CEP128: variants seen among roughly 807,000 people sequenced by gnomAD.
The protein encoded by CEP128 is centrosomal protein 128.
In CEP128, 132 loss-of-function variants were observed where a neutral mutation model predicts 156.7. The ratio of observed to expected loss-of-function variants is 0.84; its 90% CI spans 0.73 to 0.97. CEP128 has a LOEUF of 0.97. Among genes scored for constraint, CEP128 ranks in the 50% least tolerant of loss-of-function variants. The probability of loss-of-function intolerance (pLI) is 0.00; values close to 1 mark genes in which losing one functional copy is unlikely to be tolerated. For synonymous variants in CEP128, 469 were observed against 448.9 expected (o/e 1.04, Z -0.57); for missense variants, 1,252 against 1,281.9 (o/e 0.98, Z 0.36).
intron 23 of CEP128, among the ~76,000 whole-genome samples, chr14:80,524,568 A>C (rs2140257409): frequency 6.6e-6 from 1 of 152,284 alleles, no homozygotes; most frequent in South Asian, 2.1e-4. Flanking sequence ...CTTTTGTAAA[A>C]AACTTATTTT....
Position 80,626,216 on chromosome 14 carries a change from G to A in CEP128, c.2807-45793C>T, listed in dbSNP as rs548671296. ...GCGGTGGCTCACGCCTGTAATCCCA[G>A]CACTTTGGGAGGCCGAGGCGGGTGG... On this transcript the variant is annotated intron_variant, in intron 19 of 24. Transcript: ENST00000555265. Among the ~76,000 whole-genome samples the A allele has an allele frequency of 4.6e-5, 7 of 152,072 alleles. No homozygotes were observed. The East Asian group carries it at 1.2e-3, about 25-fold the overall frequency.
chr14:80,541,924 A>G (rs1889781267), intron 21 of CEP128, among the ~76,000 whole-genome samples: 1 of 152,194 alleles, frequency 6.6e-6, no homozygotes, highest in African/African-American at 2.4e-5. Context: ...CTATCTGTCT[A>G]TAGAAAAGTT....
At chr14:80,713,271 G>A (rs1897479570) in intron 19 of CEP128, among the ~76,000 whole-genome samples, 1 of 152,108 alleles carries the variant, frequency 6.6e-6, no homozygotes, top group African/African-American at 2.4e-5. Flanking sequence ...TTTCCGCGGT[G>A]ATCTTTTCTC....
At chr14:80,902,456 C>T (rs1385636716) in intron 6 of CEP128, among the ~76,000 whole-genome samples, 1 of 152,100 alleles carries the variant, frequency 6.6e-6, no homozygotes, top group Non-Finnish European at 1.5e-5. Context: ...TGTGTTGTCT[C>T]GTTATGCAGT....
intron 19 of CEP128, among the ~76,000 whole-genome samples, chr14:80,723,195 C>T (rs1897892432): frequency 6.6e-6 from 1 of 152,002 alleles, no homozygotes; most frequent in African/African-American, 2.4e-5. Flanking sequence ...AAGACAGTCC[C>T]CATGTAATAT....
chr14:80,737,265 G>A (rs148003602), intron 19 of CEP128, among the ~76,000 whole-genome samples: 35 of 152,004 alleles, frequency 2.3e-4, no homozygotes, highest in African/African-American at 5.3e-4. Flanking sequence ...TTAGCCAGGC[G>A]TGGTGGCACA....
chr14:80,615,460 C>G (rs754577859), intron 19 of CEP128, among the ~76,000 whole-genome samples: 1 of 152,072 alleles, frequency 6.6e-6, no homozygotes, highest in Non-Finnish European at 1.5e-5. Context: ...AGTGAACATG[C>G]GAAAAGGATT....
intron 19 of CEP128, among the ~76,000 whole-genome samples, chr14:80,652,162 C>T (rs1375280756): frequency 1.4e-5 from 2 of 146,516 alleles, no homozygotes; most frequent in Non-Finnish European, 3.0e-5. Context: ...GAAACTGGAC[C>T]CCTTCCTTAC....
chr14:80,695,196 T>C (rs1458925769), intron 19 of CEP128, among the ~76,000 whole-genome samples: 2 of 142,504 alleles, frequency 1.4e-5, no homozygotes, highest in Non-Finnish European at 1.5e-5. Flanking sequence ...ACGAAAGAAA[T>C]AGAAAAGAAA....
intron 13 of CEP128, among the ~76,000 whole-genome samples, chr14:80,824,827 T>C (rs1227514302): frequency 1.3e-5 from 2 of 152,220 alleles, no homozygotes; most frequent in African/African-American, 2.4e-5. Context: ...AGTTCCAAAG[T>C]TGCCTCAACA....
At chr14:80,598,311 A>G (rs1892430149) in intron 19 of CEP128, among the ~76,000 whole-genome samples, 1 of 152,144 alleles carries the variant, frequency 6.6e-6, no homozygotes. Flanking sequence ...ATATTTCTAT[A>G]CATTAGGAGT....
At chr14:80,918,681 C>T (rs181377838) in intron 2 of CEP128, among the ~76,000 whole-genome samples, 1 of 152,136 alleles carries the variant, frequency 6.6e-6, no homozygotes, top group African/African-American at 2.4e-5. Context: ...ACAAAAAGTG[C>T]TAAAGAGAGC....
intron 12 of CEP128, 35 bp from the exon 13 acceptor site, chr14:80,831,329 C>G (rs891800427): frequency 6.2e-7 from 1 of 1,606,044 alleles, no homozygotes; most frequent in South Asian, 1.1e-5. Context: ...AAGGGTTGTT[C>G]TTTATTCACA....
chr14:80,829,607 G>A (rs1184393435), intron 13 of CEP128, among the ~76,000 whole-genome samples: 1 of 152,172 alleles, frequency 6.6e-6, no homozygotes, highest in African/African-American at 2.4e-5. Context: ...TGAGAAACAA[G>A]GAATCGGCTG....
rs544963894 is a variant in CEP128 at position 80,876,393 on chromosome 14, C to G, written c.646-13520G>C. Reference sequence around the variant, plus strand: ...AGGGTGGATCACAAGGTCAGGAGATCGAGACCATCCTGGCTAACATGATGA... The same window carrying G: ...AGGGTGGATCACAAGGTCAGGAGATGGAGACCATCCTGGCTAACATGATGA... On this transcript the variant is annotated intron_variant, in intron 8 of 24. Coordinates refer to ENST00000555265, the MANE Select transcript of CEP128 (RefSeq NM_152446.5). 9.0e-4 allele frequency among the ~76,000 whole-genome samples: 136 copies of G among 151,952 alleles called. 2 individuals are homozygous for G. In the Middle Eastern group the frequency reaches 0.01, roughly 11 times the overall value.
intron 19 of CEP128, among the ~76,000 whole-genome samples, chr14:80,678,064 G>GTATATATA (rs1274703937): frequency 1.1e-4 from 3 of 27,440 alleles, no homozygotes; most frequent in African/African-American, 1.9e-4. Context: ...ATATATATAT[G>GTATATATA]TATATATATA....
intron 21 of CEP128, among the ~76,000 whole-genome samples, chr14:80,545,781 G>C (rs1289588754): frequency 6.6e-6 from 1 of 152,148 alleles, no homozygotes; most frequent in African/African-American, 2.4e-5. Flanking sequence ...GGAAAGCAGA[G>C]TAACACCAGG....
intron 21 of CEP128, among the ~76,000 whole-genome samples, chr14:80,544,651 A>G (rs1046565027): frequency 1.4e-4 from 22 of 152,228 alleles, no homozygotes; most frequent in African/African-American, 5.1e-4. Flanking sequence ...TAATTTAAAA[A>G]ATGAAGTATT....
At chr14:80,788,289 T>TTC (rs1901522069) in intron 14 of CEP128, among the ~76,000 whole-genome samples, 1 of 2,314 alleles carries the variant, frequency 4.3e-4, no homozygotes, top group African/African-American at 1.4e-3. Flanking sequence ...GGCCAGGATC[T>TTC]TTTTTTTTTT....
Sources: allele counts gnomAD v4.1 joint callset (sites outside exome capture counted in the v4.1 genomes callset), GRCh38; gene constraint gnomAD v4.1.1; transcripts MANE v1.5; gene names NCBI Gene and HGNC (gene_info 2026-07-23, HGNC 2026-07-21).